The following HBP1 variants were observed in gnomAD, a reference collection of about 807,000 sequenced individuals.
HBP1 encodes the protein HMG-box transcription factor 1, also known as HMG box-containing protein 1.
Under a neutral mutation model 62.6 loss-of-function variants are expected in HBP1, and 20 were observed. The observed-to-expected ratio is 0.32, with a 90% CI of 0.22 to 0.46. HBP1 has a LOEUF of 0.46. HBP1 is among the 20% of genes least tolerant of loss of function. The pLI is 1.00. For missense variants in HBP1, 480 were observed against 611.8 expected (o/e 0.78, Z 2.27); for synonymous variants, 232 against 206.2 (o/e 1.12, Z -1.07).
chr7:107,194,611 G>T (rs1229289856), intron 8 of HBP1, among the ~76,000 whole-genome samples: 1 of 152,144 alleles, frequency 6.6e-6, no homozygotes, highest in Non-Finnish European at 1.5e-5. Flanking sequence ...CATTCCTTTG[G>T]CTGTTTCCAT....
chr7:107,186,265 CCTATAAG>C (rs1797370476), intron 4 of HBP1, 89 bp from the exon 5 acceptor site: 1 of 713,128 alleles, frequency 1.4e-6, no homozygotes, highest in Non-Finnish European at 2.3e-6. Flanking sequence ...AAGTTATCCA[CCTATAAG>C]CATGGGCCTA....
chr7:107,197,367 AAGAGTCTTTTTTTGTTTGTT>A (rs1797963416), intron 9 of HBP1, among the ~76,000 whole-genome samples: 1 of 146,266 alleles, frequency 6.8e-6, no homozygotes, highest in Non-Finnish European at 1.5e-5. Flanking sequence ...CAAGAATTCT[AAGAGTCTTTTTTTGTTTGTT>A]TGAGGCGGAG....
At chr7:107,193,135 C>T (rs1797734498) in intron 8 of HBP1, 1 of 152,110 alleles carries the variant, frequency 6.6e-6, no homozygotes. Flanking sequence ...GAATTGAGGC[C>T]AACCTTCTAG....
chr7:107,179,920 G>A lies in HBP1; in HGVS notation c.27G>A (p.Gln9=). Residue 9 remains glutamine, a synonymous_variant, in exon 2 of 11, where the codon CAG becomes CAA. Coordinates refer to ENST00000222574, the MANE Select transcript of HBP1 (RefSeq NM_012257.4). ...TGGTGTGGGAAGTGAAGACAAATCA[G>A]ATGCCTAATGCAGTACAGAAACTCC... MVWEVKTN[Q]MPNAVQKLLL... 1 of 1,598,910 alleles carries A rather than the reference G, an allele frequency of 6.3e-7. No individual in the cohort carries two copies. Among genetic ancestry groups the A allele is most frequent in the South Asian group, 1.1e-5 (1 of 90,108 alleles).
Position 107,169,175 on chromosome 7 carries a change from C to A in HBP1, c.-26C>A. On this transcript the variant is annotated 5_prime_UTR_variant, in exon 1 of 11. Transcript: ENST00000222574. ...GCGGCCCGCGCCTGGGCTGCCGGCA[C>A]TTCGCGGCAGGTTTGTTGTCTTTCA... 5 of 1,022,712 alleles carry A rather than the reference C, an allele frequency of 4.9e-6. No individual in the cohort carries two copies. The highest frequency in any genetic ancestry group is 5.9e-6 in the Non-Finnish European group (5 of 844,740). The allele number at this position is 1,022,712 out of a possible 1,614,324, so 63.4% of individuals were successfully genotyped here.
intron 1 of HBP1, among the ~76,000 whole-genome samples, chr7:107,175,755 C>A (rs546723251): frequency 2.9e-5 from 4 of 136,600 alleles, no homozygotes; most frequent in Non-Finnish European, 4.5e-5. Context: ...CTTGCTCTGT[C>A]GCCCAGGCTG....
At chr7:107,169,845 G>C in intron 1 of HBP1, 13 of 985,512 alleles carry the variant, frequency 1.3e-5, no homozygotes, top group Non-Finnish European at 1.6e-5. Flanking sequence ...AATGGCGAAA[G>C]AGGGTGGGGG....
At chr7:107,180,652 C>A (rs1309978740) in intron 2 of HBP1, among the ~76,000 whole-genome samples, 2 of 152,124 alleles carry the variant, frequency 1.3e-5, no homozygotes, top group African/African-American at 4.8e-5. Flanking sequence ...ATGGGGGTTT[C>A]CTTCATGTTT....
rs761182853 is a variant in HBP1, at chr7:107,189,416, A to G, written c.890A>G (p.Lys297Arg). The change falls in exon 7 of 11, where the codon AAG becomes AGG. Residue 297 changes from lysine (K) to arginine (R), a missense_variant. This residue lies in a region of HBP1 where 58 missense variants were observed against 128.5 expected (regional missense o/e 0.45). Coordinates refer to ENST00000222574, the MANE Select transcript of HBP1 (RefSeq NM_012257.4). Reference protein sequence around the residue: ...VEDGLLTVECKLDHPFYVKNK... With the variant: ...VEDGLLTVECRLDHPFYVKNK... Reference sequence around the variant, plus strand: ...GATGGTTTACTTACCGTAGAGTGTAAGCTGGACCACCCTTTCTATGTTAAA... The same window carrying G: ...GATGGTTTACTTACCGTAGAGTGTAGGCTGGACCACCCTTTCTATGTTAAA... 4 of 1,612,224 alleles carry G rather than the reference A, an allele frequency of 2.5e-6. No homozygotes were observed. The highest frequency in any genetic ancestry group is 3.4e-6 in the Non-Finnish European group (4 of 1,178,956).
intron 2 of HBP1, among the ~76,000 whole-genome samples, chr7:107,181,197 G>C (rs1169014815): frequency 6.6e-6 from 1 of 152,124 alleles, no homozygotes; most frequent in Non-Finnish European, 1.5e-5. Flanking sequence ...AAACATTTCA[G>C]TTTGGCTTGG....
intron 1 of HBP1, among the ~76,000 whole-genome samples, chr7:107,170,919 A>T (rs1429609848): frequency 6.8e-6 from 1 of 147,540 alleles, no homozygotes; most frequent in East Asian, 2.0e-4. Flanking sequence ...CACTATATAC[A>T]TATGTATATG....
chr7:107,183,039 A>AATTTGCTAAT (rs1797183237), intron 3 of HBP1, among the ~76,000 whole-genome samples: 1 of 152,190 alleles, frequency 6.6e-6, no homozygotes, highest in Non-Finnish European at 1.5e-5. Context: ...CTAATTCTAA[A>AATTTGCTAAT]ATTTGCTAAT....
At chr7:107,197,991 T>C (rs935769973) in intron 9 of HBP1, among the ~76,000 whole-genome samples, 1 of 152,124 alleles carries the variant, frequency 6.6e-6, no homozygotes, top group Non-Finnish European at 1.5e-5. Flanking sequence ...ATTAAACATA[T>C]CCTTTGACAT....
At chr7:107,186,090 T>C (rs1170868181) in intron 4 of HBP1, 148 bp downstream of exon 4, 4 of 627,252 alleles carry the variant, frequency 6.4e-6, no homozygotes, top group Non-Finnish European at 1.1e-5. Context: ...GGAAAGCTTA[T>C]TATTAATGGG....
chr7:107,193,074 C>G (rs997432482), intron 8 of HBP1: 11 of 152,052 alleles, frequency 7.2e-5, no homozygotes, highest in Admixed American at 5.9e-4. Flanking sequence ...TTGATGAGCT[C>G]TCATACATAA....
intron 1 of HBP1, among the ~76,000 whole-genome samples, chr7:107,177,775 T>C (rs1344028163): frequency 6.6e-6 from 1 of 152,192 alleles, no homozygotes; most frequent in Non-Finnish European, 1.5e-5. Flanking sequence ...AAGAAGAAAT[T>C]GGATTGTAAT....
intron 1 of HBP1, chr7:107,170,018 A>G: frequency 1.0e-6 from 1 of 985,500 alleles, no homozygotes; most frequent in Non-Finnish European, 1.2e-6. Flanking sequence ...TTGTAGCTTT[A>G]AATGCTGCGT....
intron 9 of HBP1, among the ~76,000 whole-genome samples, chr7:107,197,943 G>A (rs1378388832): frequency 6.6e-6 from 1 of 152,100 alleles, no homozygotes; most frequent in Non-Finnish European, 1.5e-5. Flanking sequence ...ACAGGTACAT[G>A]CTGCATTTCT....
chr7:107,186,279 C>A, intron 4 of HBP1, 82 bp from the exon 5 acceptor site: 1 of 815,038 alleles, frequency 1.2e-6, no homozygotes, highest in Non-Finnish European at 2.0e-6. Context: ...TAAGCATGGG[C>A]CTAAAGACGT....
Sources: allele counts gnomAD v4.1 joint callset (sites outside exome capture counted in the v4.1 genomes callset), GRCh38; gene constraint gnomAD v4.1.1; regional missense constraint gnomAD v4.1.1; transcripts MANE v1.5; gene names NCBI Gene and HGNC (gene_info 2026-07-23, HGNC 2026-07-21).